Variants in NPAS3 observed in about 807,000 individuals in gnomAD.
NPAS3 encodes neuronal PAS domain-containing protein 3.
NPAS3 carries 14 observed loss-of-function variants against 73.1 expected under a neutral mutation model. The ratio of observed to expected loss-of-function variants is 0.19; its 90% CI spans 0.13 to 0.30. The LOEUF (loss-of-function observed/expected upper bound fraction) is 0.30. Ranked by LOEUF, NPAS3 falls within the 10% of genes least tolerant of loss-of-function variation. The probability of loss-of-function intolerance (pLI) is 1.00; values close to 1 mark genes in which losing one functional copy is unlikely to be tolerated. For synonymous variants in NPAS3, 620 were observed against 541.5 expected, an observed-to-expected ratio of 1.14 and a Z score of -2.01; for missense variants, 1,096 against 1,250.0, an observed-to-expected ratio of 0.88 and a Z score of 1.86.
chr14:33,724,527 A>G (rs375020265), intron 6 of NPAS3, among the ~76,000 whole-genome samples: 1 of 152,122 alleles, frequency 6.6e-6, no homozygotes, highest in African/African-American at 2.4e-5. Context: ...CCAGCTACTC[A>G]GGAGGCTGAA....
At chr14:32,961,549 CTCT>C (rs1595096745) in intron 1 of NPAS3, among the ~76,000 whole-genome samples, 1 of 152,224 alleles carries the variant, frequency 6.6e-6, no homozygotes, top group East Asian at 1.9e-4. Flanking sequence ...TTGAGGATGC[CTCT>C]TCATCATCAA....
rs567532385 is a variant in NPAS3 at position 33,220,162 on chromosome 14, C to T, written c.385+4736C>T. ...AGCAGGAGCCTCCTACAGGGCTAGA[C>T]GAGTAGGGCAAAGATGGTAACTCAG... On this transcript the variant is annotated intron_variant, in intron 3 of 11. Coordinates refer to ENST00000356141, the Ensembl canonical transcript of NPAS3. Among the ~76,000 whole-genome samples the T allele has an allele frequency of 1.5e-3, 233 of 152,276 alleles. 1 individual carries two copies. Among genetic ancestry groups the T allele is most frequent in the Admixed American group, 3.8e-3 (58 of 15,294 alleles).
chr14:33,349,338 C>T (rs778766613), intron 3 of NPAS3, among the ~76,000 whole-genome samples: 11 of 152,190 alleles, frequency 7.2e-5, no homozygotes, highest in Non-Finnish European at 1.5e-4. Context: ...GAGACATTAT[C>T]GTCAAATTCT....
intron 3 of NPAS3, among the ~76,000 whole-genome samples, chr14:33,355,398 TC>T (rs2045291269): frequency 6.6e-6 from 1 of 152,084 alleles, no homozygotes. Flanking sequence ...CCTCCCAGGT[TC>T]AAGCGATTCT....
intron 3 of NPAS3, among the ~76,000 whole-genome samples, chr14:33,292,033 A>G (rs1052936782): frequency 1.3e-5 from 2 of 152,232 alleles, no homozygotes; most frequent in African/African-American, 4.8e-5. Flanking sequence ...GCATTTCAGA[A>G]AACAGTGTCA....
At chr14:33,543,933 G>A (rs1374076065) in intron 4 of NPAS3, among the ~76,000 whole-genome samples, 2 of 87,422 alleles carry the variant, frequency 2.3e-5, no homozygotes, top group Non-Finnish European at 4.6e-5. Flanking sequence ...TCTCAGACAG[G>A]TATGGCAAAG....
At chr14:33,156,583 A>G (rs1439817497) in intron 2 of NPAS3, among the ~76,000 whole-genome samples, 5 of 152,192 alleles carry the variant, frequency 3.3e-5, no homozygotes, top group African/African-American at 9.7e-5. Context: ...TATCTGCATG[A>G]TCATTGCTTA....
At chr14:33,274,541 C>G (rs1443281763) in intron 3 of NPAS3, among the ~76,000 whole-genome samples, 3 of 152,136 alleles carry the variant, frequency 2.0e-5, no homozygotes, top group African/African-American at 7.2e-5. Context: ...TAGACCCTGC[C>G]TCAGTTCAGA....
At chr14:33,098,827 C>G (rs1158157580) in intron 2 of NPAS3, among the ~76,000 whole-genome samples, 1 of 152,126 alleles carries the variant, frequency 6.6e-6, no homozygotes, top group Non-Finnish European at 1.5e-5. Context: ...TCCCATTTTC[C>G]TTAAGAGTGG....
rs143588558 is a variant in NPAS3, at chr14:33,093,561, C to G, written c.140+37567C>G. 2.2e-4 allele frequency among the ~76,000 whole-genome samples: 34 copies of G among 152,096 alleles called. 1 individual carries two copies. Among genetic ancestry groups the G allele is most frequent in the Admixed American group, 2.2e-3 (33 of 15,274 alleles). ...TCAACCATTGTGGAAGACAGTGCGG[C>G]GATTCCTCAGGGATCTAGAACTAGA... On this transcript the variant is annotated intron_variant, in intron 2 of 11. Coordinates refer to ENST00000356141, the Ensembl canonical transcript of NPAS3.
intron 2 of NPAS3, among the ~76,000 whole-genome samples, chr14:33,167,374 C>A (rs1351981072): frequency 1.3e-5 from 2 of 152,006 alleles, no homozygotes; most frequent in African/African-American, 4.8e-5. Flanking sequence ...AACCAGTGGG[C>A]TAGCAAAAAT....
intron 6 of NPAS3, among the ~76,000 whole-genome samples, chr14:33,688,179 G>A (rs193029399): frequency 4.7e-4 from 72 of 152,300 alleles, no homozygotes; most frequent in Non-Finnish European, 7.5e-4. Context: ...CCATCACCTA[G>A]GTGGTAAGCA....
At chr14:33,647,371 A>C (rs2058864182) in intron 5 of NPAS3, among the ~76,000 whole-genome samples, 1 of 151,764 alleles carries the variant, frequency 6.6e-6, no homozygotes, top group East Asian at 1.9e-4. Context: ...AATATTTTTG[A>C]CCAGCATCTT....
At chr14:33,367,162 T>G (rs750010079) in intron 3 of NPAS3, 24 bp from the exon 4 acceptor site, 1 of 808,242 alleles carries the variant, frequency 1.2e-6, no homozygotes, top group South Asian at 1.5e-5. Context: ...TTGTTCTGTT[T>G]TCTTTCTTTC....
At chr14:32,967,619 C>G (rs907712729) in intron 1 of NPAS3, among the ~76,000 whole-genome samples, 2 of 152,074 alleles carry the variant, frequency 1.3e-5, no homozygotes, top group African/African-American at 4.8e-5. Flanking sequence ...GGGAAATGCA[C>G]ATCAAAACCA....
In NPAS3 at chr14:33,800,053, C is replaced by T. The variant is rs571555043; in HGVS notation, c.1746C>T (p.Asp582=). 1.1e-5 allele frequency: 17 copies of T among 1,607,134 alleles called. No individual in the cohort carries two copies. In the Admixed American group the frequency reaches 1.5e-4, roughly 14 times the overall value. Reference sequence around the variant, plus strand: ...CACTCACGTCCGACAGCGCCAAGGACTCGGACAGCGCAGGCGAGGCGGGCG... The same window carrying T: ...CACTCACGTCCGACAGCGCCAAGGATTCGGACAGCGCAGGCGAGGCGGGCG... The change falls in exon 12 of 12, where the codon GAC becomes GAT. Residue 582 remains aspartate (D), a synonymous_variant. Transcript: ENST00000356141. The surrounding 1 kb of genome is among the most constrained non-coding windows in gnomAD (Gnocchi z 6.5).
At chr14:33,675,899 C>T (rs1408985248) in intron 5 of NPAS3, among the ~76,000 whole-genome samples, 1 of 151,516 alleles carries the variant, frequency 6.6e-6, no homozygotes, top group African/African-American at 2.4e-5. Context: ...TTTGATGATG[C>T]GTGGATAAAA....
chr14:33,784,737 A>ACTTTT (rs2063095527), intron 9 of NPAS3, among the ~76,000 whole-genome samples: 1 of 80,160 alleles, frequency 1.2e-5, no homozygotes, highest in Non-Finnish European at 2.3e-5. Flanking sequence ...TTATTTATTT[A>ACTTTT]TTTATTTATT....
chr14:33,303,783 T>C (rs1338724760), intron 3 of NPAS3, among the ~76,000 whole-genome samples: 1 of 75,606 alleles, frequency 1.3e-5, no homozygotes, highest in Non-Finnish European at 2.5e-5. Context: ...ATAGCAGTTA[T>C]GCTGAATAAA....
Sources: gnomAD v4.1 joint callset for allele counts (sites outside exome capture counted in the v4.1 genomes callset) on GRCh38, gnomAD v4.1.1 for gene constraint, Gnocchi (gnomAD v3.1) non-coding constraint, MANE v1.5 for transcripts, NCBI Gene and HGNC (gene_info 2026-07-23, HGNC 2026-07-21) for gene names.